The following CFAP77 variants were observed in gnomAD, a reference collection of about 807,000 sequenced individuals.
The protein encoded by CFAP77 is cilia and flagella associated protein 77.
Under a neutral mutation model 31.1 loss-of-function variants are expected in CFAP77, and 25 were observed. The ratio of observed to expected loss-of-function variants is 0.80; its 90% CI spans 0.59 to 1.12. CFAP77 has a LOEUF of 1.12. Ranked by LOEUF, CFAP77 falls within the 50% of genes most tolerant of loss-of-function variation. The pLI is 0.00. For missense variants in CFAP77, 377 were observed against 397.3 expected (o/e 0.95, Z 0.44); for synonymous variants, 151 against 159.9 (o/e 0.94, Z 0.42).
At chr9:132,440,620 A>G (rs1850600286) in intron 1 of CFAP77, among the ~76,000 whole-genome samples, 1 of 152,228 alleles carries the variant, frequency 6.6e-6, no homozygotes, top group Admixed American at 6.5e-5. Context: ...TAACTCTGCT[A>G]CAATGCCATT....
At chr9:132,443,672 T>C (rs1170310576) in intron 1 of CFAP77, among the ~76,000 whole-genome samples, 2 of 152,352 alleles carry the variant, frequency 1.3e-5, no homozygotes, top group East Asian at 3.9e-4. Flanking sequence ...TATTGTCACT[T>C]ACATATGTAG....
chr9:132,502,731 C>T (rs1293244016), intron 3 of CFAP77, among the ~76,000 whole-genome samples: 2 of 152,210 alleles, frequency 1.3e-5, no homozygotes, highest in African/African-American at 4.8e-5. Flanking sequence ...GTTGTCTCCA[C>T]CTTCTGGCTA....
chr9:132,449,430 C>T (rs10117804), intron 1 of CFAP77, among the ~76,000 whole-genome samples: 14,746 of 140,894 alleles, frequency 0.1, 1,053 homozygotes, highest in East Asian at 0.29. Context: ...CCATAGAGTA[C>T]ACAGGTTTTT....
At chr9:132,451,351 A>G (rs1191382510) in intron 1 of CFAP77, among the ~76,000 whole-genome samples, 3 of 151,862 alleles carry the variant, frequency 2.0e-5, no homozygotes, top group Non-Finnish European at 4.4e-5. Context: ...AAAAAAAAAA[A>G]AAAAAAGAAA....
intron 1 of CFAP77, among the ~76,000 whole-genome samples, chr9:132,484,098 G>A (rs977188733): frequency 6.6e-6 from 1 of 151,792 alleles, no homozygotes; most frequent in African/African-American, 2.4e-5. Context: ...CACCACACCC[G>A]GCTAATTTTT....
At chr9:132,505,944 A>C (rs966668645) in intron 3 of CFAP77, among the ~76,000 whole-genome samples, 9 of 152,202 alleles carry the variant, frequency 5.9e-5, no homozygotes, top group Admixed American at 3.9e-4. Context: ...GCTGCTCTGC[A>C]TCGATCTTAA....
intron 1 of CFAP77, among the ~76,000 whole-genome samples, chr9:132,475,363 C>T (rs1043504795): frequency 2.0e-5 from 3 of 152,176 alleles, no homozygotes; most frequent in African/African-American, 7.2e-5. Context: ...TGAATTCTTG[C>T]TTTCTATGGC....
chr9:132,519,614 G>A (rs1852224439), intron 3 of CFAP77, among the ~76,000 whole-genome samples: 3 of 142,996 alleles, frequency 2.1e-5, no homozygotes, highest in African/African-American at 2.6e-5. Flanking sequence ...ATGGATGGAT[G>A]GATGGTTGGG....
intron 5 of CFAP77, among the ~76,000 whole-genome samples, chr9:132,543,881 G>A (rs1852688103): frequency 6.6e-6 from 1 of 152,168 alleles, no homozygotes; most frequent in Non-Finnish European, 1.5e-5. Flanking sequence ...AGAGCCGGGG[G>A]CACCGTACGG....
intron 3 of CFAP77, among the ~76,000 whole-genome samples, chr9:132,521,870 G>A (rs139075413): frequency 0.01 from 1,493 of 146,878 alleles, 10 homozygotes; most frequent in Middle Eastern, 0.018. Context: ...GGGTTCAAGC[G>A]ACTCCCCTGC....
Position 132,543,022 on chromosome 9 carries a change from T to C in CFAP77, c.707T>C (p.Leu236Pro), listed in dbSNP as rs768486195. ...AAGCCGCCCGTGAAGCTGGACACCC[T>C]CTGGCACATGCCTCACTTCCAGAAG... The part of the protein sequence containing the change: ...KYKPPVKLDT[L>P]WHMPHFQKVG... The change falls in exon 5 of 6, where the codon CTC (leucine) becomes CCC (proline). Residue 236 changes from leucine to proline, a missense_variant. Transcript: ENST00000393216. The C allele has an allele frequency of 6.2e-7, 1 of 1,614,156 alleles. No individual in the cohort carries two copies. The highest frequency in any genetic ancestry group is 1.1e-5 in the South Asian group (1 of 91,084).
At chr9:132,443,968 C>T (rs1216117988) in intron 1 of CFAP77, among the ~76,000 whole-genome samples, 1 of 152,240 alleles carries the variant, frequency 6.6e-6, no homozygotes, top group African/African-American at 2.4e-5. Flanking sequence ...ACACGCCAGC[C>T]ATTCCTTAAG....
chr9:132,470,229 T>C (rs772164013), intron 1 of CFAP77, among the ~76,000 whole-genome samples: 14 of 152,238 alleles, frequency 9.2e-5, no homozygotes, highest in Non-Finnish European at 2.1e-4. Context: ...TGAACACTTA[T>C]GCGCCAAGTC....
At chr9:132,519,371 G>GATGA (rs1852208104) in intron 3 of CFAP77, among the ~76,000 whole-genome samples, 1 of 142,682 alleles carries the variant, frequency 7.0e-6, no homozygotes, top group African/African-American at 2.6e-5. Flanking sequence ...TGGTTGGGTG[G>GATGA]ATGGATGGAT....
rs116138113 is a variant in CFAP77 at position 132,516,444 on chromosome 9, C to T, written c.524+16844C>T. On this transcript the variant is annotated intron_variant, in intron 3 of 5. Coordinates refer to ENST00000393216, the MANE Select transcript of CFAP77 (RefSeq NM_001282957.2). ...GGTTTCTTGTCGGGATGAAATGATGCGGTCCCTGGAACTTGAGTGCAGTGT... is the reference window on the plus strand; with the variant it reads ...GGTTTCTTGTCGGGATGAAATGATGTGGTCCCTGGAACTTGAGTGCAGTGT... 3.9e-5 allele frequency among the ~76,000 whole-genome samples: 6 copies of T among 152,164 alleles called. No individual in the cohort carries two copies. The South Asian group carries it at 1.2e-3, about 32-fold the overall frequency.
intron 1 of CFAP77, among the ~76,000 whole-genome samples, chr9:132,414,587 C>T (rs1178526535): frequency 2.0e-5 from 3 of 151,942 alleles, no homozygotes; most frequent in Non-Finnish European, 4.4e-5. Context: ...TCCCCACCCC[C>T]GTAAGTTTTC....
intron 1 of CFAP77, among the ~76,000 whole-genome samples, chr9:132,433,002 C>A (rs1211458202): frequency 6.6e-6 from 1 of 152,144 alleles, no homozygotes; most frequent in Non-Finnish European, 1.5e-5. Flanking sequence ...GCGTGAGCCA[C>A]CAAGCCCGGC....
chr9:132,547,974 G>A lies in CFAP77; in HGVS notation c.732+4927G>A, dbSNP rs939876398. On this transcript the variant is annotated intron_variant, in intron 5 of 5. Transcript: ENST00000393216. ...TCATGCACAGCCACACAAAGCAGAC[G>A]GTACATCCTTCTGCCCAAAGATGGA... Among the ~76,000 whole-genome samples, 52 of 152,184 alleles carry A rather than the reference G, an allele frequency of 3.4e-4. 1 individual carries two copies. The highest frequency in any genetic ancestry group is 1.3e-3 in the African/African-American group (52 of 41,508).
chr9:132,515,845 G>C (rs1291549052), intron 3 of CFAP77, among the ~76,000 whole-genome samples: 1 of 149,894 alleles, frequency 6.7e-6, no homozygotes, highest in Non-Finnish European at 1.5e-5. Context: ...CCGTCGGTCA[G>C]TGGGATTAAC....
Sources: gnomAD v4.1 joint callset for allele counts (sites outside exome capture counted in the v4.1 genomes callset) on GRCh38, gnomAD v4.1.1 for gene constraint, MANE v1.5 for transcripts, NCBI Gene and HGNC (gene_info 2026-07-23, HGNC 2026-07-21) for gene names.